MYO10: variants seen among roughly 807,000 people sequenced by gnomAD.
MYO10 encodes unconventional myosin-X.
Under a neutral mutation model 257.3 loss-of-function variants are expected in MYO10, and 133 were observed. The observed-to-expected ratio is 0.52, with a 90% CI of 0.45 to 0.60. The LOEUF (loss-of-function observed/expected upper bound fraction) is 0.60, where lower values mean the gene tolerates loss of function less well. Among genes scored for constraint, MYO10 ranks in the 20% least tolerant of loss-of-function variants. MYO10 has a pLI of 0.00. For synonymous variants in MYO10, 1,104 were observed against 1,028.6 expected (o/e 1.07, Z -1.40); for missense variants, 2,399 against 2,635.7 (o/e 0.91, Z 1.97).
At chr5:16,828,780 G>A (rs889516319) in intron 2 of MYO10, among the ~76,000 whole-genome samples, 1 of 151,970 alleles carries the variant, frequency 6.6e-6, no homozygotes, top group Admixed American at 6.6e-5. Context: ...TGTCACCCAG[G>A]CTGGAGTGAA....
intron 9 of MYO10, 62 bp downstream of exon 9, chr5:16,779,483 A>G (rs1741334782): frequency 5.0e-6 from 5 of 994,344 alleles, no homozygotes; most frequent in Non-Finnish European, 7.2e-6. Flanking sequence ...CGAAAATGAA[A>G]TCTGTTACTC....
chr5:16,765,650 T>G (rs1378725318), intron 11 of MYO10, among the ~76,000 whole-genome samples: 1 of 152,250 alleles, frequency 6.6e-6, no homozygotes, highest in Non-Finnish European at 1.5e-5. Flanking sequence ...AATGTTTATT[T>G]AGCACTTACT....
At chr5:16,700,431 C>A (rs1175127749) in intron 25 of MYO10, among the ~76,000 whole-genome samples, 2 of 152,192 alleles carry the variant, frequency 1.3e-5, no homozygotes, top group Non-Finnish European at 2.9e-5. Flanking sequence ...AATCCCAGCA[C>A]TTTGGGGGTC....
intron 22 of MYO10, 142 bp from the exon 23 acceptor site, chr5:16,703,300 G>C: frequency 1.6e-6 from 1 of 637,938 alleles, no homozygotes; most frequent in Admixed American, 3.1e-5. Flanking sequence ...GAGAGAACAA[G>C]GAGGCCCCTT....
intron 3 of MYO10, among the ~76,000 whole-genome samples, chr5:16,798,503 A>G (rs1322942253): frequency 1.3e-5 from 2 of 151,318 alleles, no homozygotes; most frequent in African/African-American, 4.9e-5. Flanking sequence ...AAAGTGTCCT[A>G]CTCCTTGGGA....
intron 37 of MYO10, 70 bp downstream of exon 37, chr5:16,672,619 T>C (rs1310599193): frequency 9.5e-6 from 15 of 1,578,458 alleles, no homozygotes; most frequent in Non-Finnish European, 1.3e-5. Context: ...AATGGGAAGC[T>C]CAAACCCTGA....
At position 16,824,934 on chromosome 5, in the gene MYO10, G is replaced by C. The variant is rs374470746; in HGVS notation, c.121-6767C>G. ...ATCGAAGAAATAAAAACACTGAACAGAGGTAAATCAAAATCAGCATGACAA... is the reference window on the plus strand; with the variant it reads ...ATCGAAGAAATAAAAACACTGAACACAGGTAAATCAAAATCAGCATGACAA... On this transcript the variant is annotated intron_variant, in intron 2 of 40. Transcript: ENST00000513610. Among the ~76,000 whole-genome samples, 25 of 152,218 alleles carry C rather than the reference G, an allele frequency of 1.6e-4. 1 individual carries two copies. The East Asian group carries it at 1.7e-3, about 11-fold the overall frequency.
At position 16,783,377 on chromosome 5, in the gene MYO10, T is replaced by C. The variant is rs1579986331; in HGVS notation, c.560A>G (p.Lys187Arg). ...TCGTTCAACACAGGATGTCTTCTCC[T>C]TTAAGGACAATTCCAAAGACTGTTG... ...ISQQSLELSL[K>R]EKTSCVERAI... Residue 187 changes from lysine to arginine, a missense_variant, in exon 5 of 41, where the codon AAG (lysine) becomes AGG (arginine). Around this residue, in one of 3 missense-constraint regions of MYO10, gnomAD observed 242 missense variants for 249.5 expected, o/e 0.97. Transcript: ENST00000513610. 1.2e-6 allele frequency: 2 copies of C among 1,603,470 alleles called. No individual in the cohort carries two copies. Among genetic ancestry groups the C allele is most frequent in the Non-Finnish European group, 1.7e-6 (2 of 1,174,974 alleles).
chr5:16,693,372 A>G (rs1365950617), intron 27 of MYO10, among the ~76,000 whole-genome samples: 1 of 152,232 alleles, frequency 6.6e-6, no homozygotes, highest in Non-Finnish European at 1.5e-5. Flanking sequence ...CCCTTGCAGG[A>G]TTCAGACCCA....
At chr5:16,802,671 A>G (rs1560992720) in intron 3 of MYO10, among the ~76,000 whole-genome samples, 2 of 150,328 alleles carry the variant, frequency 1.3e-5, no homozygotes, top group African/African-American at 4.9e-5. Context: ...AAAAAAAAAA[A>G]AAGAAAGAAA....
intron 18 of MYO10, among the ~76,000 whole-genome samples, chr5:16,756,880 C>T (rs1241884204): frequency 1.3e-5 from 2 of 152,018 alleles, no homozygotes; most frequent in South Asian, 2.1e-4. Context: ...GCAGGAGGAT[C>T]GCTGGAGGCC....
intron 17 of MYO10, among the ~76,000 whole-genome samples, chr5:16,760,087 C>T (rs753659012): frequency 1.3e-5 from 2 of 151,996 alleles, no homozygotes; most frequent in Non-Finnish European, 2.9e-5. Context: ...CCAGATCCAA[C>T]ACAGGTGCTG....
Position 16,924,194 on chromosome 5 carries a change from C to T in MYO10, c.21+11594G>A, listed in dbSNP as rs531429980. On this transcript the variant is annotated intron_variant, in intron 1 of 40. Coordinates refer to ENST00000513610, the MANE Select transcript of MYO10 (RefSeq NM_012334.3). ...CCCTTGAGTGTGCTTTGGCCTTAAA[C>T]GAACATCAACAACCACGCTGGGGGG... 1.4e-4 allele frequency among the ~76,000 whole-genome samples: 21 copies of T among 152,074 alleles called. No individual in the cohort carries two copies. In the South Asian group the frequency reaches 2.9e-3, roughly 21 times the overall value.
chr5:16,675,320 T>C (rs1473663873), intron 34 of MYO10, among the ~76,000 whole-genome samples, 170 bp from the exon 35 acceptor site: 1 of 152,010 alleles, frequency 6.6e-6, no homozygotes, highest in Non-Finnish European at 1.5e-5. Context: ...AGCACAGAGG[T>C]GGGTAAGTTG....
chr5:16,704,465 G>A, intron 22 of MYO10, 114 bp downstream of exon 22: 2 of 853,476 alleles, frequency 2.3e-6, no homozygotes, highest in South Asian at 1.7e-5. Flanking sequence ...TAGGAGGCCT[G>A]ACCTGAGGCT....
intron 1 of MYO10, among the ~76,000 whole-genome samples, chr5:16,929,137 A>G (rs1211994693): frequency 3.3e-5 from 5 of 151,582 alleles, no homozygotes; most frequent in Non-Finnish European, 7.4e-5. Context: ...TATTTTTAGT[A>G]GAGATGGGGG....
intron 1 of MYO10, among the ~76,000 whole-genome samples, chr5:16,880,936 T>C (rs752394404): frequency 1.5e-4 from 23 of 152,188 alleles, no homozygotes; most frequent in Non-Finnish European, 3.1e-4. Context: ...TCTCTTTAAT[T>C]CACATGTCAG....
chr5:16,694,470 C>T lies in MYO10; in HGVS notation c.3701G>A (p.Trp1234Ter). ...GGSSTLSRRNWKKRWFVLRQS... is the reference protein window; with the variant it reads ...GGSSTLSRRN ...GCGGAGGACAAACCAGCGCTTCTTC[C>T]AATTTCTCCTGGACAGCGTGGAGGA... The change falls in exon 27 of 41, where the codon TGG (tryptophan) becomes TAG (stop). Residue 1234 changes from tryptophan to a stop codon, truncating the protein, a stop_gained. Transcript: ENST00000513610. LOFTEE classifies it high-confidence loss of function. 1.9e-6 allele frequency: 3 copies of T among 1,614,042 alleles called. No homozygotes were observed. The highest frequency in any genetic ancestry group is 2.5e-6 in the Non-Finnish European group (3 of 1,179,896).
Position 16,671,531 on chromosome 5 carries a change from G to A in MYO10, c.5321C>T (p.Thr1774Ile), listed in dbSNP as rs199650227. 8.1e-6 allele frequency: 13 copies of A among 1,613,852 alleles called. No individual in the cohort carries two copies. The East Asian group carries it at 1.6e-4, about 19-fold the overall frequency. ...CCATGGCAGGTCCCCAACCTCGGAT[G>A]TGGCAGCCAGCCTACAGAGAGGAGT... Reference protein sequence around the residue: ...VLAKFEKLAATSEVGDLPWKF... With the variant: ...VLAKFEKLAAISEVGDLPWKF... The change falls in exon 38 of 41, where the codon ACA becomes ATA. Residue 1774 changes from threonine (T) to isoleucine (I), a missense_variant. Thr to Ile is a moderately conservative substitution (Grantham distance 89). Transcript: ENST00000513610.
Sources: gnomAD v4.1 joint callset for allele counts (sites outside exome capture counted in the v4.1 genomes callset) on GRCh38, gnomAD v4.1.1 for gene constraint, gnomAD v4.1.1 regional missense constraint, MANE v1.5 for transcripts, NCBI Gene and HGNC (gene_info 2026-07-23, HGNC 2026-07-21) for gene names.